NKAIN2: variants seen among roughly 807,000 people sequenced by gnomAD.
NKAIN2 encodes the protein sodium/potassium transporting ATPase interacting 2, also known as sodium/potassium-transporting ATPase subunit beta-1-interacting protein 2.
Under a neutral mutation model 32.6 loss-of-function variants are expected in NKAIN2, and 14 were observed. The observed-to-expected ratio is 0.43, with a 90% CI of 0.28 to 0.67. NKAIN2 has a LOEUF of 0.67. Ranked by LOEUF, NKAIN2 falls within the 30% of genes least tolerant of loss-of-function variation. The pLI, the probability that NKAIN2 is intolerant of heterozygous loss-of-function variation, is 0.17. For synonymous variants in NKAIN2, 80 were observed against 87.2 expected (o/e 0.92, Z 0.46); for missense variants, 198 against 258.3 (o/e 0.77, Z 1.60).
chr6:124,317,272 T>A (rs1796994333), intron 2 of NKAIN2, among the ~76,000 whole-genome samples: 1 of 152,140 alleles, frequency 6.6e-6, no homozygotes, highest in African/African-American at 2.4e-5. Flanking sequence ...TTTCTCAAGT[T>A]TTAATTGTAA....
At chr6:123,990,022 A>G (rs147134861) in intron 1 of NKAIN2, among the ~76,000 whole-genome samples, 411 of 152,294 alleles carry the variant, frequency 2.7e-3, no homozygotes, top group African/African-American at 9.6e-3. Context: ...GAAACTTACA[A>G]TCATGGAGGG....
intron 3 of NKAIN2, among the ~76,000 whole-genome samples, chr6:124,423,435 C>A (rs1562175055): frequency 6.6e-6 from 1 of 152,134 alleles, no homozygotes; most frequent in Non-Finnish European, 1.5e-5. Flanking sequence ...CCTACCTCAT[C>A]AGGTTTTCAA....
intron 4 of NKAIN2, among the ~76,000 whole-genome samples, chr6:124,768,732 G>A (rs1454051060): frequency 2.0e-5 from 3 of 147,836 alleles, no homozygotes; most frequent in Non-Finnish European, 3.0e-5. Flanking sequence ...GTACCTGGGG[G>A]AAAAAAAAAC....
intron 1 of NKAIN2, among the ~76,000 whole-genome samples, chr6:124,049,323 C>T (rs1782291716): frequency 6.6e-6 from 1 of 151,916 alleles, no homozygotes; most frequent in East Asian, 1.9e-4. Context: ...TGTATGGAAA[C>T]ATTCCCAAAT....
chr6:124,570,812 G>A (rs959082514), intron 3 of NKAIN2, among the ~76,000 whole-genome samples: 27 of 152,184 alleles, frequency 1.8e-4, no homozygotes, highest in African/African-American at 6.3e-4. Context: ...ACTGTGAGAA[G>A]AGGGCCACCA....
intron 3 of NKAIN2, among the ~76,000 whole-genome samples, chr6:124,470,252 G>T (rs1313277541): frequency 4.6e-5 from 7 of 152,142 alleles, no homozygotes; most frequent in African/African-American, 1.7e-4. Flanking sequence ...GGCAGGAGAA[G>T]ACTGCAGGAG....
intron 3 of NKAIN2, among the ~76,000 whole-genome samples, chr6:124,605,407 G>T (rs924662214): frequency 4.6e-5 from 7 of 152,016 alleles, no homozygotes; most frequent in Non-Finnish European, 8.8e-5. Flanking sequence ...ATGCAAGCTT[G>T]GTGGAAGACA....
intron 3 of NKAIN2, among the ~76,000 whole-genome samples, chr6:124,405,168 G>A (rs1408156390): frequency 6.6e-6 from 1 of 152,166 alleles, no homozygotes; most frequent in Non-Finnish European, 1.5e-5. Flanking sequence ...ATAGTCGAGT[G>A]TTAGACCATT....
chr6:124,277,930 C>T (rs60510583), intron 1 of NKAIN2, among the ~76,000 whole-genome samples: 5,382 of 151,328 alleles, frequency 0.036, 319 homozygotes, highest in African/African-American at 0.12. Context: ...CATTTTTTCT[C>T]TCAAAATCTA....
intron 1 of NKAIN2, among the ~76,000 whole-genome samples, chr6:123,814,319 C>T (rs188221454): frequency 2.0e-5 from 3 of 152,222 alleles, no homozygotes; most frequent in African/African-American, 2.4e-5. Flanking sequence ...TTATCAAAAG[C>T]GTTCTTGGGA....
chr6:124,473,573 G>A (rs1777062913), intron 3 of NKAIN2, among the ~76,000 whole-genome samples: 1 of 152,042 alleles, frequency 6.6e-6, no homozygotes, highest in African/African-American at 2.4e-5. Flanking sequence ...TTTAGTATAA[G>A]ATTGTTTCCT....
chr6:124,127,199 A>G (rs1432510187), intron 1 of NKAIN2, among the ~76,000 whole-genome samples: 2 of 152,166 alleles, frequency 1.3e-5, no homozygotes, highest in Non-Finnish European at 1.5e-5. Flanking sequence ...GCATTCATGG[A>G]TGGAGAGATT....
At chr6:124,003,556 C>A (rs1330432897) in intron 1 of NKAIN2, among the ~76,000 whole-genome samples, 1 of 152,028 alleles carries the variant, frequency 6.6e-6, no homozygotes, top group African/African-American at 2.4e-5. Context: ...ACTGTTTTAC[C>A]AACTGGATGT....
chr6:124,427,230 T>A (rs1012281485), intron 3 of NKAIN2, among the ~76,000 whole-genome samples: 2 of 152,208 alleles, frequency 1.3e-5, no homozygotes, highest in Non-Finnish European at 2.9e-5. Context: ...AACAGTTTAT[T>A]TGTAATAGCC....
chr6:123,997,609 T>C (rs1779681656), intron 1 of NKAIN2, among the ~76,000 whole-genome samples: 1 of 136,428 alleles, frequency 7.3e-6, no homozygotes, highest in African/African-American at 3.2e-5. Flanking sequence ...TTTTTTTTTT[T>C]TTTTTTTTTT....
At chr6:123,999,178 A>G (rs1401915617) in intron 1 of NKAIN2, among the ~76,000 whole-genome samples, 6 of 152,152 alleles carry the variant, frequency 3.9e-5, no homozygotes, top group African/African-American at 9.6e-5. Context: ...TCATTTGGGT[A>G]TAAGGTGTAT....
chr6:124,192,909 G>A (rs544120598), intron 1 of NKAIN2, among the ~76,000 whole-genome samples: 60 of 151,894 alleles, frequency 4.0e-4, no homozygotes, highest in African/African-American at 1.3e-3. Flanking sequence ...GCCACCGCGC[G>A]CAGCTACTTT....
chr6:124,768,653 T>C (rs780913565), intron 4 of NKAIN2, among the ~76,000 whole-genome samples: 1 of 152,162 alleles, frequency 6.6e-6, no homozygotes, highest in Non-Finnish European at 1.5e-5. Context: ...CTCTCAAACA[T>C]TTCCTAGATA....
chr6:124,351,219 T>A (rs1353653136), intron 2 of NKAIN2, among the ~76,000 whole-genome samples: 2 of 152,048 alleles, frequency 1.3e-5, no homozygotes, highest in African/African-American at 4.8e-5. Flanking sequence ...CAAGTCTAGT[T>A]TGCAAGTTCA....
Sources: allele counts gnomAD v4.1 joint callset (sites outside exome capture counted in the v4.1 genomes callset), GRCh38; gene constraint gnomAD v4.1.1; transcripts MANE v1.5; gene names NCBI Gene and HGNC (gene_info 2026-07-23, HGNC 2026-07-21).